Variants in RAB3C observed in about 807,000 individuals in gnomAD.
RAB3C encodes the protein RAB3C, member RAS oncogene family, also known as ras-related protein Rab-3C.
RAB3C carries 17 observed loss-of-function variants against 26.4 expected under a neutral mutation model. The observed-to-expected ratio is 0.64, with a 90% CI of 0.44 to 0.97. The LOEUF (loss-of-function observed/expected upper bound fraction) is 0.97. RAB3C is among the 50% of genes least tolerant of loss of function. The pLI is 0.00. For missense variants in RAB3C, 242 were observed against 281.9 expected, an observed-to-expected ratio of 0.86 and a Z score of 1.01; for synonymous variants, 91 against 95.9, an observed-to-expected ratio of 0.95 and a Z score of 0.30.
At chr5:58,632,392 AT>A (rs1476071596) in intron 2 of RAB3C, among the ~76,000 whole-genome samples, 2 of 152,180 alleles carry the variant, frequency 1.3e-5, no homozygotes, top group African/African-American at 4.8e-5. Context: ...AGCCTACTGA[AT>A]TCATATCTCT....
chr5:58,609,552 A>T (rs918497442), intron 1 of RAB3C, among the ~76,000 whole-genome samples: 1 of 152,170 alleles, frequency 6.6e-6, no homozygotes, highest in Non-Finnish European at 1.5e-5. Context: ...CCATATTCCT[A>T]TACATAAGCT....
chr5:58,799,377 G>A (rs1302597242), intron 3 of RAB3C, among the ~76,000 whole-genome samples: 1 of 151,914 alleles, frequency 6.6e-6, no homozygotes, highest in Non-Finnish European at 1.5e-5. Context: ...AAGAGTTGGG[G>A]AAGAAAGGGT....
At chr5:58,762,450 T>C (rs906128185) in intron 3 of RAB3C, among the ~76,000 whole-genome samples, 1 of 152,220 alleles carries the variant, frequency 6.6e-6, no homozygotes. Flanking sequence ...CCCAGCATTC[T>C]GGGAGGCCGA....
chr5:58,806,984 T>C (rs1742955276), intron 3 of RAB3C, among the ~76,000 whole-genome samples: 1 of 152,158 alleles, frequency 6.6e-6, no homozygotes, highest in East Asian at 1.9e-4. Context: ...GGAGGAGGAA[T>C]TGGAAATGCG....
Position 58,637,568 on chromosome 5 carries a change from C to T in RAB3C, c.252+19698C>T, listed in dbSNP as rs549461752. ...CTATAAGTTCCAAAATTAATATATT[C>T]CTTTGAAAGATAAAAATTTTTAAAA... On this transcript the variant is annotated intron_variant, in intron 2 of 4. Coordinates refer to ENST00000282878, the MANE Select transcript of RAB3C (RefSeq NM_138453.4). Among the ~76,000 whole-genome samples the T allele has an allele frequency of 7.2e-5, 11 of 152,020 alleles. No individual in the cohort carries two copies. In the South Asian group the frequency reaches 2.3e-3, roughly 32 times the overall value.
chr5:58,707,850 T>G (rs918406898), intron 2 of RAB3C, among the ~76,000 whole-genome samples: 1 of 151,874 alleles, frequency 6.6e-6, no homozygotes, highest in African/African-American at 2.4e-5. Context: ...ACTCTATTTT[T>G]CCCCCCAGCC....
intron 2 of RAB3C, among the ~76,000 whole-genome samples, chr5:58,688,408 T>C (rs1270064560): frequency 6.6e-6 from 1 of 152,152 alleles, no homozygotes; most frequent in African/African-American, 2.4e-5. Context: ...AATTGCATAC[T>C]TAAATTTTTG....
chr5:58,784,465 A>G (rs1167185789), intron 3 of RAB3C, among the ~76,000 whole-genome samples: 1 of 152,064 alleles, frequency 6.6e-6, no homozygotes, highest in Non-Finnish European at 1.5e-5. Flanking sequence ...TTTACCTCCT[A>G]TGGGTCCCTC....
chr5:58,849,234 G>T (rs1744064298), intron 4 of RAB3C, among the ~76,000 whole-genome samples: 1 of 152,284 alleles, frequency 6.6e-6, no homozygotes, highest in Non-Finnish European at 1.5e-5. Context: ...AATTGAACTT[G>T]TAAATGAGAC....
intron 2 of RAB3C, among the ~76,000 whole-genome samples, chr5:58,677,725 A>T (rs1010547408): frequency 1.3e-5 from 2 of 152,224 alleles, no homozygotes; most frequent in African/African-American, 4.8e-5. Flanking sequence ...TTGAACTGAT[A>T]GCGGCTATCT....
chr5:58,592,835 TTC>T (rs1236339671), intron 1 of RAB3C, among the ~76,000 whole-genome samples: 1 of 152,152 alleles, frequency 6.6e-6, no homozygotes, highest in Admixed American at 6.5e-5. Context: ...TTTCAAGATT[TTC>T]TGTTTAACTT....
At chr5:58,763,713 T>C (rs1741841562) in intron 3 of RAB3C, among the ~76,000 whole-genome samples, 1 of 152,154 alleles carries the variant, frequency 6.6e-6, no homozygotes, top group East Asian at 1.9e-4. Context: ...TATAATAAAA[T>C]TTGCCTTCCC....
intron 3 of RAB3C, chr5:58,814,745 C>T (rs1326291031): frequency 3.3e-5 from 5 of 152,038 alleles, no homozygotes; most frequent in African/African-American, 9.7e-5. Flanking sequence ...TGTTTTTCTT[C>T]CTTGCATAGA....
intron 2 of RAB3C, among the ~76,000 whole-genome samples, chr5:58,618,594 A>G (rs796901179): frequency 2.6e-5 from 4 of 152,248 alleles, no homozygotes; most frequent in African/African-American, 9.6e-5. Context: ...AATTTAGGAG[A>G]CCAGTGAGCA....
chr5:58,845,851 C>T (rs186358824), intron 4 of RAB3C, among the ~76,000 whole-genome samples: 28 of 151,890 alleles, frequency 1.8e-4, no homozygotes, highest in Middle Eastern at 3.4e-3. Flanking sequence ...CATCAGCATT[C>T]ACTCTGCCTT....
At chr5:58,716,117 A>G (rs1463918722) in intron 2 of RAB3C, among the ~76,000 whole-genome samples, 2 of 151,624 alleles carry the variant, frequency 1.3e-5, no homozygotes, top group Non-Finnish European at 2.9e-5. Flanking sequence ...ATAAGGGGTT[A>G]TCATCTATAC....
At chr5:58,808,117 C>T (rs551186964) in intron 3 of RAB3C, among the ~76,000 whole-genome samples, 5 of 149,392 alleles carry the variant, frequency 3.3e-5, no homozygotes, top group Admixed American at 2.7e-4. Context: ...CCCAGTTACT[C>T]GAGAGGCTGA....
chr5:58,834,022 A>T (rs1743679807), intron 4 of RAB3C, among the ~76,000 whole-genome samples: 1 of 152,220 alleles, frequency 6.6e-6, no homozygotes, highest in Non-Finnish European at 1.5e-5. Flanking sequence ...ATAACACAAG[A>T]AATTAGTTCA....
intron 3 of RAB3C, among the ~76,000 whole-genome samples, chr5:58,806,842 G>C (rs1742951673): frequency 6.6e-6 from 1 of 152,066 alleles, no homozygotes; most frequent in African/African-American, 2.4e-5. Flanking sequence ...ATCAATACTG[G>C]TACCTTTAGC....
Sources: gnomAD v4.1 joint callset for allele counts (sites outside exome capture counted in the v4.1 genomes callset) on GRCh38, gnomAD v4.1.1 for gene constraint, MANE v1.5 for transcripts, NCBI Gene and HGNC (gene_info 2026-07-23, HGNC 2026-07-21) for gene names.